Variants in ADSL observed in about 807,000 individuals in gnomAD.
The protein encoded by ADSL is adenylosuccinase.
Under a neutral mutation model 62.1 loss-of-function variants are expected in ADSL, and 44 were observed. That is an observed-to-expected ratio of 0.71 (90% CI 0.56 to 0.91). The LOEUF (loss-of-function observed/expected upper bound fraction) is 0.91. Among genes scored for constraint, ADSL ranks in the 40% least tolerant of loss-of-function variants. The probability of loss-of-function intolerance (pLI) is 0.00; values close to 1 mark genes in which losing one functional copy is unlikely to be tolerated. For missense variants in ADSL, 531 were observed against 627.4 expected, an observed-to-expected ratio of 0.85 and a Z score of 1.64; for synonymous variants, 198 against 220.5, an observed-to-expected ratio of 0.90 and a Z score of 0.90.
intron 2 of ADSL, among the ~76,000 whole-genome samples, chr22:40,386,589 T>TTTTTAAA (rs2048494152): frequency 6.9e-6 from 1 of 144,282 alleles, no homozygotes; most frequent in Non-Finnish European, 1.5e-5. Flanking sequence ...TTTTTTTTTT[T>TTTTTAAA]AATAAAAAGA....
chr22:40,379,390 T>G (rs1391115029), intron 2 of ADSL: 1 of 152,598 alleles, frequency 6.6e-6, no homozygotes, highest in Non-Finnish European at 1.5e-5. Context: ...GGTGCCTTTC[T>G]CTTTTCCTCT....
In ADSL at chr22:40,359,174, G is replaced by C. The variant is rs748862331; in HGVS notation, c.655-86G>C. The stretch of plus-strand genomic sequence containing the variant: ...CTAGAAGGAAGTTGTGGGGGTTAGG[G>C]AGCGAGACCTGGGTAGGATGACAGG... On this transcript the variant is annotated intron_variant, in intron 5 of 12. Coordinates refer to ENST00000623063, the MANE Select transcript of ADSL (RefSeq NM_000026.4). 4.7e-5 allele frequency: 75 copies of C among 1,583,174 alleles called. No individual in the cohort carries two copies. In the Middle Eastern group the frequency reaches 8.3e-4, roughly 18 times the overall value.
chr22:40,361,881 G>GT (rs986336294), intron 9 of ADSL, among the ~76,000 whole-genome samples: 1 of 152,180 alleles, frequency 6.6e-6, no homozygotes, highest in African/African-American at 2.4e-5. Context: ...CACAGTAGAG[G>GT]TGATGCCTTA....
intron 11 of ADSL, 73 bp from the exon 12 acceptor site, chr22:40,364,807 T>C: frequency 2.7e-6 from 4 of 1,492,088 alleles, no homozygotes; most frequent in Non-Finnish European, 3.7e-6. Context: ...GGATGGGAAG[T>C]ATCTGATGAC....
At chr22:40,375,743 A>T (rs182339535) in intron 2 of ADSL, among the ~76,000 whole-genome samples, 3 of 151,988 alleles carry the variant, frequency 2.0e-5, no homozygotes, top group African/African-American at 7.3e-5. Context: ...CTGCAAGCTA[A>T]CACTCTAAAG....
chr22:40,372,181 C>T (rs531879868), downstream of ADSL, among the ~76,000 whole-genome samples: 707 of 116,904 alleles, frequency 6.0e-3, 6 homozygotes, highest in African/African-American at 0.021. Flanking sequence ...GGCTGGAGTG[C>T]AGTGGCGCGA....
In ADSL at chr22:40,346,571, G is replaced by A; in HGVS notation, c.13G>A (p.Gly5Ser). ...TCGCAGGGTTGGGATGGCGGCTGGA[G>A]GCGATCATGGTTCGCCCGACAGCTA... is the stretch of plus-strand genomic sequence containing the variant. MAAG[G>S]DHGSPDSYRS... The change falls in exon 1 of 13, where the codon GGC (glycine) becomes AGC (serine). Residue 5 changes from glycine (G) to serine (S), a missense_variant. Physicochemically the swap from Gly to Ser is moderately conservative, Grantham distance 56. This residue lies in a region of ADSL where 60 missense variants were observed against 34.5 expected (regional missense o/e 1.74). Coordinates refer to ENST00000623063, the MANE Select transcript of ADSL (RefSeq NM_000026.4). 1 of 1,605,152 alleles carries A rather than the reference G, an allele frequency of 6.2e-7. No individual in the cohort carries two copies. Among genetic ancestry groups the A allele is most frequent in the Non-Finnish European group, 8.5e-7 (1 of 1,177,074 alleles).
chr22:40,360,460 G>A lies in ADSL; in HGVS notation c.760G>A (p.Val254Met). The A allele has an allele frequency of 6.2e-7, 1 of 1,614,136 alleles. No homozygotes were observed. Among genetic ancestry groups the A allele is most frequent in the Non-Finnish European group, 8.5e-7 (1 of 1,180,010 alleles). ...TRKVDIEVLS[V>M]LASLGASVHK... Reference sequence around the variant, plus strand: ...AAAAGTGGATATTGAAGTACTGTCTGTGCTGGCTAGCTTGGGGGCATCAGT... The same window carrying A: ...AAAAGTGGATATTGAAGTACTGTCTATGCTGGCTAGCTTGGGGGCATCAGT... Residue 254 changes from valine to methionine, a missense_variant, in exon 7 of 13, where the codon GTG (valine) becomes ATG (methionine). Val to Met is a conservative substitution (Grantham distance 21). Transcript: ENST00000623063.
chr22:40,363,169 G>A (rs777487667), intron 10 of ADSL, 98 bp downstream of exon 10: 25 of 1,144,412 alleles, frequency 2.2e-5, no homozygotes, highest in Admixed American at 5.2e-5. Context: ...ATTCTGATCC[G>A]ATAGGCATTC....
chr22:40,360,585 C>T, intron 7 of ADSL, 93 bp downstream of exon 7: 1 of 886,454 alleles, frequency 1.1e-6, no homozygotes, highest in Non-Finnish European at 1.9e-6. Flanking sequence ...CCATCTCTCT[C>T]AAGCAATATT....
intron 1 of ADSL, 77 bp from the exon 2 acceptor site, chr22:40,349,755 T>A (rs1241105026): frequency 7.5e-7 from 1 of 1,338,934 alleles, no homozygotes; most frequent in Non-Finnish European, 1.1e-6. Context: ...CATGAATCAG[T>A]TTTTTTTCCT....
At chr22:40,350,893 G>A (rs906041262) in intron 2 of ADSL, among the ~76,000 whole-genome samples, 55 of 152,136 alleles carry the variant, frequency 3.6e-4, no homozygotes, top group African/African-American at 1.3e-3. Flanking sequence ...AGTGCTGAGA[G>A]TGCTGAGATT....
chr22:40,379,741 C>G (rs968619888), intron 2 of ADSL, among the ~76,000 whole-genome samples: 1 of 152,144 alleles, frequency 6.6e-6, no homozygotes, highest in Non-Finnish European at 1.5e-5. Flanking sequence ...CAGGGTCTCA[C>G]TTTGTCACCC....
In ADSL at chr22:40,360,066, T is replaced by C. The variant is rs149266703; in HGVS notation, c.702-336T>C. ...GGGCACGTTGCACCATGTATCCTTCTTGAGTCAGGCCATTGTCCTGAGTAT... is the reference window on the plus strand; with the variant it reads ...GGGCACGTTGCACCATGTATCCTTCCTGAGTCAGGCCATTGTCCTGAGTAT... On this transcript the variant is annotated intron_variant, in intron 6 of 12. Coordinates refer to ENST00000623063, the MANE Select transcript of ADSL (RefSeq NM_000026.4). 2.6e-5 allele frequency among the ~76,000 whole-genome samples: 4 copies of C among 152,274 alleles called. No homozygotes were observed. In the East Asian group the frequency reaches 7.7e-4, roughly 29 times the overall value.
At chr22:40,359,387 C>G (rs2044682374) in intron 6 of ADSL, 81 bp downstream of exon 6, 1 of 1,375,384 alleles carries the variant, frequency 7.3e-7, no homozygotes, top group Admixed American at 1.7e-5. Flanking sequence ...TTTGACCTTA[C>G]AATTTTTGCC....
At chr22:40,351,340 T>A (rs1471852600) in intron 2 of ADSL, among the ~76,000 whole-genome samples, 2 of 152,022 alleles carry the variant, frequency 1.3e-5, no homozygotes, top group Non-Finnish European at 1.5e-5. Context: ...CCAGCTAATT[T>A]TTTTTATTTT....
At chr22:40,356,032 C>CAAAAA (rs1212379585) in intron 4 of ADSL, among the ~76,000 whole-genome samples, 1 of 55,336 alleles carries the variant, frequency 1.8e-5, no homozygotes, top group Non-Finnish European at 3.4e-5. Context: ...ACTAAAAATA[C>CAAAAA]AAAAAAAAAA....
chr22:40,371,639 T>A (rs1468950393), downstream of ADSL, among the ~76,000 whole-genome samples: 1 of 152,222 alleles, frequency 6.6e-6, no homozygotes, highest in Non-Finnish European at 1.5e-5. Context: ...TTGAATTACA[T>A]CTTTGTTTTT....
chr22:40,372,187 C>G (rs542288539), downstream of ADSL, among the ~76,000 whole-genome samples: 1 of 121,852 alleles, frequency 8.2e-6, no homozygotes, highest in African/African-American at 3.1e-5. Context: ...AGTGCAGTGG[C>G]GCGATCTCGG....
Sources: allele counts gnomAD v4.1 joint callset (sites outside exome capture counted in the v4.1 genomes callset), GRCh38; gene constraint gnomAD v4.1.1; regional missense constraint gnomAD v4.1.1; transcripts MANE v1.5; gene names NCBI Gene and HGNC (gene_info 2026-07-23, HGNC 2026-07-21).